Variants in P2RY10 observed in about 807,000 individuals in gnomAD.
The protein encoded by P2RY10 is P2Y receptor family member 10.
A neutral mutation model predicts 12.1 loss-of-function variants in P2RY10; 4 were observed. The ratio of observed to expected loss-of-function variants is 0.33; its 90% confidence interval spans 0.16 to 0.76. The LOEUF is 0.76. P2RY10 is among the 30% of genes least tolerant of loss of function. P2RY10 has a pLI of 0.61. For missense variants in P2RY10, 233 were observed against 264.6 expected, an observed-to-expected ratio of 0.88 and a Z score of 0.83; for synonymous variants, 112 against 94.1, an observed-to-expected ratio of 1.19 and a Z score of -1.10.
chrX:78,951,692 G>A (rs2742215), intron 2 of P2RY10, among the ~76,000 whole-genome samples: 1,832 of 111,598 alleles, frequency 0.016, 28 homozygotes, highest in African/African-American at 0.057. Flanking sequence ...AACTTTGTGC[G>A]TGCCATTTTT....
chrX:78,961,191 C>A lies in P2RY10; in HGVS notation c.671C>A (p.Ser224Tyr), dbSNP rs777895544. The A allele has an allele frequency of 8.3e-7, 1 of 1,210,074 alleles. No homozygotes were observed. The highest frequency in any genetic ancestry group is 1.1e-6 in the Non-Finnish European group (1 of 894,022). Residue 224 changes from serine to tyrosine, a missense_variant, in exon 4 of 4, where the codon TCC becomes TAC. Ser to Tyr is a moderately radical substitution (Grantham distance 144). Coordinates refer to ENST00000171757, the MANE Select transcript of P2RY10 (RefSeq NM_014499.4). The stretch of plus-strand genomic sequence containing the variant: ...TGGTGTACCTGGAAAACTACTATAT[C>A]CTTGAGACAGCCACCAATGGCTTTC... Reference protein sequence around the residue: ...IAWCTWKTTISLRQPPMAFQG... With the variant: ...IAWCTWKTTIYLRQPPMAFQG...
chrX:78,960,784 C>G lies in P2RY10; in HGVS notation c.264C>G (p.Pro88=). 1 of 1,211,588 alleles carries G rather than the reference C, an allele frequency of 8.3e-7. No homozygotes were observed. The highest frequency in any genetic ancestry group is 1.7e-5 in the African/African-American group (1 of 57,829). ...ACCTTGCTCATGTATTATCTTTACCCCTCCGGATTTACTATTACATCAGCC... is the reference window on the plus strand; with the variant it reads ...ACCTTGCTCATGTATTATCTTTACCGCTCCGGATTTACTATTACATCAGCC... The part of the protein sequence containing the change: ...VADLAHVLSL[P]LRIYYYISHH... Residue 88 remains proline, a synonymous_variant, in exon 4 of 4, where the codon CCC becomes CCG. Transcript: ENST00000171757.
intron 2 of P2RY10, 116 bp from the exon 3 acceptor site, chrX:78,952,077 C>A: frequency 3.9e-6 from 1 of 253,343 alleles, no homozygotes; most frequent in Non-Finnish European, 5.5e-6. Flanking sequence ...CATCCATGTC[C>A]CTGCAAAGGA....
At chrX:78,957,923 T>C (rs1922423113) in intron 3 of P2RY10, among the ~76,000 whole-genome samples, 1 of 112,395 alleles carries the variant, frequency 8.9e-6, no homozygotes, top group Non-Finnish European at 1.9e-5. Flanking sequence ...CTAAAACAAA[T>C]AGCCATTTCT....
chrX:78,953,078 T>A (rs1406540950), intron 3 of P2RY10, among the ~76,000 whole-genome samples: 1 of 112,572 alleles, frequency 8.9e-6, no homozygotes, highest in Non-Finnish European at 1.9e-5. Context: ...TTCAACAGGA[T>A]AATTGAGCCA....
At chrX:78,956,220 G>T (rs770502114) in intron 3 of P2RY10, among the ~76,000 whole-genome samples, 1 of 111,559 alleles carries the variant, frequency 9.0e-6, no homozygotes, top group Non-Finnish European at 1.9e-5. Flanking sequence ...GACCACCTGT[G>T]ATTTCTAAAT....
intron 3 of P2RY10, among the ~76,000 whole-genome samples, chrX:78,955,764 A>G (rs2742213): frequency 1.6e-4 from 18 of 112,052 alleles, no homozygotes; most frequent in African/African-American, 5.8e-4. Context: ...TTTTAGGGTA[A>G]AATATTTTTA....
At chrX:78,953,928 A>G (rs1375486453) in intron 3 of P2RY10, among the ~76,000 whole-genome samples, 1 of 111,749 alleles carries the variant, frequency 8.9e-6, no homozygotes, top group Non-Finnish European at 1.9e-5. Flanking sequence ...GTAGTGGTGC[A>G]ATCTCAACTC....
At chrX:78,954,586 T>C (rs773375568) in intron 3 of P2RY10, among the ~76,000 whole-genome samples, 66 of 112,245 alleles carry the variant, frequency 5.9e-4, no homozygotes, top group African/African-American at 2.1e-3. Flanking sequence ...TCCACAGAAA[T>C]GTCTTTGTTA....
chrX:78,958,538 C>A (rs753845765), intron 3 of P2RY10, among the ~76,000 whole-genome samples: 1 of 112,238 alleles, frequency 8.9e-6, no homozygotes, highest in African/African-American at 3.2e-5. Context: ...CTACTTAAGG[C>A]AATTTACTGA....
Position 78,952,282 on chromosome X carries a change from C to T in P2RY10, c.-67C>T. 1 of 751,255 alleles carries T rather than the reference C, an allele frequency of 1.3e-6. No homozygotes were observed. Among genetic ancestry groups the T allele is most frequent in the South Asian group, 6.8e-5 (1 of 14,764 alleles). 61.9% of individuals were successfully genotyped at this position (751,255 alleles called of 1,213,427 possible). ...GTGAAAAGGCATCTCTTTTAATGGTCCTGACCTTTGGAATAGGAAGCATGT... is the reference window on the plus strand; with the variant it reads ...GTGAAAAGGCATCTCTTTTAATGGTTCTGACCTTTGGAATAGGAAGCATGT... On this transcript the variant is annotated 5_prime_UTR_variant, in exon 3 of 4. Coordinates refer to ENST00000171757, the MANE Select transcript of P2RY10 (RefSeq NM_014499.4).
intron 3 of P2RY10, among the ~76,000 whole-genome samples, chrX:78,957,101 G>A (rs1922368013): frequency 9.1e-6 from 1 of 109,698 alleles, no homozygotes; most frequent in South Asian, 4.0e-4. Flanking sequence ...GGTTTTTATT[G>A]TCTATGGGAG....
chrX:78,955,046 ATAAAGT>A lies in P2RY10; in HGVS notation c.-14+2719_-14+2724del, dbSNP rs754708410. Among the ~76,000 whole-genome samples, 5 of 112,136 alleles carry A rather than the reference ATAAAGT, an allele frequency of 4.5e-5. No homozygotes were observed. In the East Asian group the frequency reaches 1.4e-3, roughly 31 times the overall value. Reference sequence around the variant, plus strand: ...AATAAAGATGGTGATGAGGTAAGAGATAAAGTTAAAGTTTACCTCACATTTCCTAAA... The same window carrying A: ...AATAAAGATGGTGATGAGGTAAGAGATAAAGTTTACCTCACATTTCCTAAA... On this transcript the variant is annotated intron_variant, in intron 3 of 3. Transcript: ENST00000171757.
In P2RY10 at chrX:78,951,799, A is replaced by G. The variant is rs770931034; in HGVS notation, c.-156-394A>G. ...TTAAGTTTAGGGGTACATGTGCAGG[A>G]TGTGCAGGGTTGTGACATAGGTAAA... On this transcript the variant is annotated intron_variant, in intron 2 of 3. Transcript: ENST00000171757. Among the ~76,000 whole-genome samples, 11 of 111,596 alleles carry G rather than the reference A, an allele frequency of 9.9e-5. No homozygotes were observed. In the South Asian group the frequency reaches 2.6e-3, roughly 27 times the overall value.
intron 1 of P2RY10, among the ~76,000 whole-genome samples, chrX:78,946,095 G>A (rs1167360901): frequency 9.0e-6 from 1 of 111,619 alleles, no homozygotes; most frequent in East Asian, 2.8e-4. Context: ...CAGCTTGTTA[G>A]TGGTATAGGT....
At position 78,961,479 on chromosome X, in the gene P2RY10, G is replaced by A. The variant is rs140548422; in HGVS notation, c.959G>A (p.Gly320Asp). The A allele has an allele frequency of 8.3e-7, 1 of 1,210,560 alleles. No individual in the cohort carries two copies. The highest frequency in any genetic ancestry group is 1.1e-6 in the Non-Finnish European group (1 of 894,736). ...SEFRDQLSRH[G>D]SSVTRSRLMS... ...TTTCGTGACCAACTATCCCGCCATG[G>A]CAGTTCTGTGACCCGCTCCCGCCTC... is the stretch of plus-strand genomic sequence containing the variant. The change falls in exon 4 of 4, where the codon GGC becomes GAC. Residue 320 changes from glycine (G) to aspartate (D), a missense_variant. Physicochemically the swap from Gly to Asp is moderately conservative, Grantham distance 94. Coordinates refer to ENST00000171757, the MANE Select transcript of P2RY10 (RefSeq NM_014499.4).
Position 78,961,146 on chromosome X carries a change from T to C in P2RY10, c.626T>C (p.Ile209Thr), listed in dbSNP as rs1922594534. Residue 209 changes from isoleucine to threonine, a missense_variant, in exon 4 of 4, where the codon ATC becomes ACC. Transcript: ENST00000171757. ...GTTGCTGAGCTTGCAGGATTTGTGA[T>C]CCCAGTGATCATCATCGCATGGTGT... ...ITVAELAGFVIPVIIIAWCTW... is the reference protein window; with the variant it reads ...ITVAELAGFVTPVIIIAWCTW... 8.3e-7 allele frequency: 1 copy of C among 1,209,530 alleles called. No individual in the cohort carries two copies. Among genetic ancestry groups the C allele is most frequent in the African/African-American group, 1.8e-5 (1 of 57,029 alleles).
At chrX:78,951,930 A>G (rs908655010) in intron 2 of P2RY10, among the ~76,000 whole-genome samples, 1 of 111,040 alleles carries the variant, frequency 9.0e-6, no homozygotes, top group Non-Finnish European at 1.9e-5. Context: ...AACAGCTCCC[A>G]ACAGACTCCA....
rs888466249 is a variant in P2RY10 at position 78,963,057 on chromosome X, T to C, written c.*1517T>C. Among the ~76,000 whole-genome samples, 1 of 111,865 alleles carries C rather than the reference T, an allele frequency of 8.9e-6. No homozygotes were observed. The highest frequency in any genetic ancestry group is 1.9e-5 in the Non-Finnish European group (1 of 53,200). ...CGTTGTGGTTGTTGTTTCAGCACCA[T>C]TTTAAAGAATTTGAATACAAACAAT... is the stretch of plus-strand genomic sequence containing the variant. On this transcript the variant is annotated 3_prime_UTR_variant, in exon 4 of 4. Coordinates refer to ENST00000171757, the MANE Select transcript of P2RY10 (RefSeq NM_014499.4).
Sources: allele counts gnomAD v4.1 joint callset (sites outside exome capture counted in the v4.1 genomes callset), GRCh38; gene constraint gnomAD v4.1.1; transcripts MANE v1.5; gene names NCBI Gene and HGNC (gene_info 2026-07-23, HGNC 2026-07-21).